KCNH8: variants seen among roughly 807,000 people sequenced by gnomAD.
KCNH8 encodes potassium voltage-gated channel subfamily H member 8, also known as voltage-gated delayed rectifier potassium channel KCNH8.
In KCNH8, 70 loss-of-function variants were observed where a neutral mutation model predicts 103.6. That is an observed-to-expected ratio of 0.68 (90% confidence interval 0.56 to 0.82). The LOEUF is 0.82. Among genes scored for constraint, KCNH8 ranks in the 40% least tolerant of loss-of-function variants. The probability of loss-of-function intolerance (pLI) is 0.00; values close to 1 mark genes in which losing one functional copy is unlikely to be tolerated. For missense variants in KCNH8, 1,217 were observed against 1,329.9 expected, an observed-to-expected ratio of 0.92 and a Z score of 1.32; for synonymous variants, 498 against 489.4, an observed-to-expected ratio of 1.02 and a Z score of -0.23.
chr3:19,323,428 G>A (rs2065378463), intron 3 of KCNH8, among the ~76,000 whole-genome samples: 2 of 152,120 alleles, frequency 1.3e-5, no homozygotes, highest in East Asian at 3.9e-4. Context: ...CAGCCTGGGT[G>A]ACAGAGCAAG....
intron 15 of KCNH8, among the ~76,000 whole-genome samples, chr3:19,530,922 A>C (rs1444536068): frequency 6.6e-6 from 1 of 152,200 alleles, no homozygotes; most frequent in Admixed American, 6.5e-5. Flanking sequence ...CCCATTTTAC[A>C]AGTTGAGAAA....
intron 1 of KCNH8, among the ~76,000 whole-genome samples, chr3:19,222,298 T>C (rs752445485): frequency 1.3e-5 from 2 of 152,236 alleles, no homozygotes; most frequent in Non-Finnish European, 2.9e-5. Context: ...TTTTTCCTAA[T>C]TATTTGCAGA....
At chr3:19,165,877 C>T (rs2063278120) in intron 1 of KCNH8, among the ~76,000 whole-genome samples, 2 of 152,160 alleles carry the variant, frequency 1.3e-5, no homozygotes. Context: ...GGAAGCTCAA[C>T]TAGGGCATTT....
rs528276189 is a variant in KCNH8, at chr3:19,380,560, T to A, written c.812-9921T>A. 3.9e-5 allele frequency among the ~76,000 whole-genome samples: 6 copies of A among 152,342 alleles called. No individual in the cohort carries two copies. In the South Asian group the frequency reaches 1.2e-3, roughly 32 times the overall value. ...GGTGATCAAACTACCACAGTGAAAT[T>A]CTTGGCTCTTAAATACCTAGTGATA... On this transcript the variant is annotated intron_variant, in intron 5 of 15. Transcript: ENST00000328405.
chr3:19,156,186 A>G (rs1223038898), intron 1 of KCNH8, among the ~76,000 whole-genome samples: 1 of 152,182 alleles, frequency 6.6e-6, no homozygotes, highest in African/African-American at 2.4e-5. Flanking sequence ...GCATGTCTAC[A>G]TGCATGCTGT....
chr3:19,310,874 G>A lies in KCNH8; in HGVS notation c.442+29545G>A, dbSNP rs138590713. 2.7e-3 allele frequency among the ~76,000 whole-genome samples: 416 copies of A among 151,896 alleles called. 2 individuals are homozygous for A. Among genetic ancestry groups the A allele is most frequent in the African/African-American group, 9.7e-3 (403 of 41,482 alleles). ...TTTCTAATAATACTTCAGGATCACA[G>A]CCTGGGAGAATTATCCATGCACAGT... On this transcript the variant is annotated intron_variant, in intron 3 of 15. Coordinates refer to ENST00000328405, the MANE Select transcript of KCNH8 (RefSeq NM_144633.3).
At chr3:19,206,699 A>G (rs1241802835) in intron 1 of KCNH8, among the ~76,000 whole-genome samples, 1 of 152,006 alleles carries the variant, frequency 6.6e-6, no homozygotes, top group African/African-American at 2.4e-5. Context: ...GTGACATTCA[A>G]AAATGTTCTG....
At chr3:19,434,675 A>AG (rs1159988453) in intron 7 of KCNH8, among the ~76,000 whole-genome samples, 2 of 152,140 alleles carry the variant, frequency 1.3e-5, no homozygotes, top group African/African-American at 4.8e-5. Context: ...AATTGTGGAG[A>AG]GGGGGGAAAC....
At chr3:19,392,936 T>C (rs1341812337) in intron 6 of KCNH8, among the ~76,000 whole-genome samples, 1 of 152,028 alleles carries the variant, frequency 6.6e-6, no homozygotes, top group East Asian at 1.9e-4. Flanking sequence ...ACAGAGTTTT[T>C]GACCAGACTG....
intron 1 of KCNH8, among the ~76,000 whole-genome samples, chr3:19,170,645 TAC>T (rs1187141475): frequency 1.3e-4 from 18 of 138,794 alleles, no homozygotes; most frequent in South Asian, 4.3e-4. Context: ...CACATATATA[TAC>T]ACACACATAT....
chr3:19,296,845 T>C (rs2065001919), intron 3 of KCNH8, among the ~76,000 whole-genome samples: 2 of 151,758 alleles, frequency 1.3e-5, no homozygotes, highest in Admixed American at 1.3e-4. Context: ...ACCTATGAAA[T>C]TAAATATATA....
intron 11 of KCNH8, among the ~76,000 whole-genome samples, chr3:19,471,994 C>T (rs2067867616): frequency 1.3e-5 from 2 of 152,132 alleles, no homozygotes; most frequent in South Asian, 2.1e-4. Flanking sequence ...TTTCTGTATG[C>T]TATACTTCAA....
intron 5 of KCNH8, among the ~76,000 whole-genome samples, chr3:19,362,555 C>G (rs925959683): frequency 6.6e-5 from 10 of 152,274 alleles, no homozygotes; most frequent in Admixed American, 2.6e-4. Flanking sequence ...CCTGCTGTTT[C>G]TCAAATACCT....
intron 5 of KCNH8, among the ~76,000 whole-genome samples, chr3:19,352,982 C>T (rs893021798): frequency 8.6e-5 from 13 of 151,538 alleles, no homozygotes; most frequent in Non-Finnish European, 2.9e-5. Context: ...ATTGATAGAC[C>T]ACTAGCAAGA....
intron 7 of KCNH8, among the ~76,000 whole-genome samples, chr3:19,415,451 T>G (rs1005171541): frequency 8.7e-5 from 13 of 149,534 alleles, no homozygotes; most frequent in African/African-American, 1.2e-4. Context: ...TAGATATAAA[T>G]CTTACATATT....
chr3:19,354,179 T>A (rs1471046140), intron 5 of KCNH8, among the ~76,000 whole-genome samples: 1 of 152,138 alleles, frequency 6.6e-6, no homozygotes, highest in East Asian at 1.9e-4. Flanking sequence ...ACAAGGGATG[T>A]GAAAGACCTC....
intron 11 of KCNH8, among the ~76,000 whole-genome samples, chr3:19,501,745 T>C (rs887214094): frequency 2.0e-5 from 3 of 152,290 alleles, no homozygotes; most frequent in African/African-American, 4.8e-5. Context: ...CTAAAAACTC[T>C]CAATAAATTA....
chr3:19,288,245 A>G (rs979465867), intron 3 of KCNH8, among the ~76,000 whole-genome samples: 1 of 55,200 alleles, frequency 1.8e-5, no homozygotes, highest in Non-Finnish European at 3.7e-5. Context: ...TTTTTTAATT[A>G]TACTTTAACT....
At chr3:19,346,808 ATC>A in intron 4 of KCNH8, 1 of 403,870 alleles carries the variant, frequency 2.5e-6, no homozygotes, top group South Asian at 1.8e-5. Context: ...TCCATTACCT[ATC>A]TTATATTTCC....
Sources: allele counts gnomAD v4.1 joint callset (sites outside exome capture counted in the v4.1 genomes callset), GRCh38; gene constraint gnomAD v4.1.1; transcripts MANE v1.5; gene names NCBI Gene and HGNC (gene_info 2026-07-23, HGNC 2026-07-21).